Variants in FBXL13 observed in about 807,000 individuals in gnomAD.
The protein encoded by FBXL13 is F-box and leucine-rich repeat protein 13.
Under a neutral mutation model 83.6 loss-of-function variants are expected in FBXL13, and 67 were observed. That is an observed-to-expected ratio of 0.80 (90% CI 0.66 to 0.98). The LOEUF is 0.98. FBXL13 is among the 50% of genes least tolerant of loss of function. The pLI, the probability that FBXL13 is intolerant of heterozygous loss-of-function variation, is 0.00. For synonymous variants in FBXL13, 272 were observed against 299.5 expected (o/e 0.91, Z 0.95); for missense variants, 822 against 866.5 (o/e 0.95, Z 0.64).
intron 8 of FBXL13, among the ~76,000 whole-genome samples, chr7:102,952,866 C>T (rs1460217972): frequency 6.6e-6 from 1 of 152,112 alleles, no homozygotes; most frequent in Non-Finnish European, 1.5e-5. Flanking sequence ...CACCTGTAAT[C>T]CCAGCTACTC....
intron 1 of FBXL13, among the ~76,000 whole-genome samples, chr7:103,064,469 A>G (rs541402716): frequency 2.1e-4 from 32 of 152,312 alleles, no homozygotes; most frequent in Non-Finnish European, 3.7e-4. Flanking sequence ...GAACATGGGA[A>G]AGGAAGAAGA....
chr7:102,913,052 C>T, intron 11 of FBXL13, 34 bp downstream of exon 12: 2 of 1,613,796 alleles, frequency 1.2e-6, no homozygotes, highest in Non-Finnish European at 1.7e-6. Flanking sequence ...AACTTCCTCA[C>T]ACACCGCAGC....
At chr7:102,858,092 A>T (rs1806290389) in intron 16 of FBXL13, among the ~76,000 whole-genome samples, 1 of 152,244 alleles carries the variant, frequency 6.6e-6, no homozygotes, top group Admixed American at 6.5e-5. Flanking sequence ...AATGTAGTAT[A>T]TATACACAAT....
At chr7:102,832,811 T>TG in intron 18 of FBXL13, 29 bp downstream of exon 19, 1 of 1,612,774 alleles carries the variant, frequency 6.2e-7, no homozygotes, top group South Asian at 1.1e-5. Context: ...TTAAATTGGA[T>TG]GTGTTTGAGC....
chr7:102,897,519 AAAC>A (rs2129463227), intron 11 of FBXL13, among the ~76,000 whole-genome samples: 1 of 152,314 alleles, frequency 6.6e-6, no homozygotes, highest in South Asian at 2.1e-4. Context: ...AAATAAAATT[AAAC>A]AAGAGAGGGG....
At position 102,853,515 on chromosome 7, in the gene FBXL13, T is replaced by C. The variant is rs1005373468; in HGVS notation, c.1719+1262A>G. On this transcript the variant is annotated intron_variant, in intron 17 of 19. Transcript: ENST00000313221. ...CAATGGCAACAAAAGCCAAAATTGATGAATGGGATCTAATTAAACTAAAGA... is the reference window on the plus strand; with the variant it reads ...CAATGGCAACAAAAGCCAAAATTGACGAATGGGATCTAATTAAACTAAAGA... 1.6e-4 allele frequency among the ~76,000 whole-genome samples: 24 copies of C among 152,154 alleles called. No individual in the cohort carries two copies. The East Asian group carries it at 3.9e-3, about 25-fold the overall frequency.
At chr7:102,921,320 T>A (rs2129470726) in intron 10 of FBXL13, among the ~76,000 whole-genome samples, 1 of 152,348 alleles carries the variant, frequency 6.6e-6, no homozygotes, top group Non-Finnish European at 1.5e-5. Context: ...AGGCAACTAA[T>A]ATATCACTAT....
rs1315567218 is a variant in FBXL13 at position 102,853,573 on chromosome 7, G to A, written c.1719+1204C>T. ...CACAGCAAAAGAAACTACCATCAGA[G>A]TGAAGAGGCAACCCACAAAATGGGA... On this transcript the variant is annotated intron_variant, in intron 17 of 19. Transcript: ENST00000313221. 3.3e-5 allele frequency among the ~76,000 whole-genome samples: 5 copies of A among 152,154 alleles called. No individual in the cohort carries two copies. The East Asian group carries it at 7.7e-4, about 23-fold the overall frequency.
At chr7:103,013,679 G>A (rs543616315) in intron 6 of FBXL13, among the ~76,000 whole-genome samples, 2 of 152,066 alleles carry the variant, frequency 1.3e-5, no homozygotes, top group African/African-American at 4.8e-5. Flanking sequence ...ACATCAAAAA[G>A]TTAGAAATAT....
intron 8 of FBXL13, among the ~76,000 whole-genome samples, chr7:102,959,642 C>T (rs985555442): frequency 1.3e-5 from 2 of 151,902 alleles, no homozygotes; most frequent in South Asian, 2.1e-4. Flanking sequence ...TGAATGTATA[C>T]ATTTTTGAAA....
At chr7:102,941,584 C>T (rs1255052403) in intron 8 of FBXL13, among the ~76,000 whole-genome samples, 1 of 152,094 alleles carries the variant, frequency 6.6e-6, no homozygotes, top group Admixed American at 6.6e-5. Flanking sequence ...GTCTAGGCAG[C>T]GGGCAAGGTG....
intron 2 of FBXL13, among the ~76,000 whole-genome samples, chr7:103,039,493 T>A (rs1028811404): frequency 6.6e-6 from 1 of 152,042 alleles, no homozygotes; most frequent in Non-Finnish European, 1.5e-5. Context: ...AAGATACGCC[T>A]TGAGAAGAGC....
At chr7:102,967,643 A>C (rs1273258762) in intron 7 of FBXL13, among the ~76,000 whole-genome samples, 1 of 152,186 alleles carries the variant, frequency 6.6e-6, no homozygotes, top group Non-Finnish European at 1.5e-5. Flanking sequence ...TGCACACCTC[A>C]CACCCTAAAC....
At chr7:103,062,743 A>G in intron 1 of FBXL13, among the ~76,000 whole-genome samples, 1 of 152,244 alleles carries the variant, frequency 6.6e-6, no homozygotes, top group East Asian at 1.9e-4. Context: ...ATCTTCATAC[A>G]TATCTCAAAA....
chr7:102,835,228 C>G (rs1165742758), intron 17 of FBXL13, among the ~76,000 whole-genome samples: 1 of 152,136 alleles, frequency 6.6e-6, no homozygotes, highest in African/African-American at 2.4e-5. Context: ...GCATGAAAGT[C>G]TGTCTTGTCT....
In FBXL13 at chr7:103,029,271, A is replaced by T. The variant is rs774214200; in HGVS notation, c.68+80T>A. The stretch of plus-strand genomic sequence containing the variant: ...ACAGATAAAATCAGCACAACTGGCC[A>T]AAAGTGAATTTTTCTTTGCACGGAG... On this transcript the variant is annotated intron_variant, in intron 3 of 19. Coordinates refer to ENST00000313221, the Ensembl canonical transcript of FBXL13. 47 of 850,500 alleles carry T rather than the reference A, an allele frequency of 5.5e-5. No individual in the cohort carries two copies. The African/African-American group carries it at 7.7e-4, about 14-fold the overall frequency. The allele number at this position is 850,500 out of a possible 1,614,324, so 52.7% of individuals were successfully genotyped here. A position where few individuals can be genotyped will look rare whatever the true frequency, so the allele number is the denominator to read the frequency against.
chr7:102,956,221 G>C (rs1824247547), intron 8 of FBXL13, among the ~76,000 whole-genome samples: 1 of 152,066 alleles, frequency 6.6e-6, no homozygotes, highest in African/African-American at 2.4e-5. Flanking sequence ...ATGCAAGGCT[G>C]GTTCAACATA....
chr7:103,050,377 T>C (rs1796687041), intron 2 of FBXL13, among the ~76,000 whole-genome samples: 1 of 152,212 alleles, frequency 6.6e-6, no homozygotes, highest in African/African-American at 2.4e-5. Flanking sequence ...ACCATCGCCC[T>C]GGGGGCCAAG....
intron 6 of FBXL13, among the ~76,000 whole-genome samples, chr7:103,000,936 A>G (rs11976237): frequency 0.51 from 77,428 of 151,842 alleles, 23,364 homozygotes; most frequent in Non-Finnish European, 0.67. Context: ...ATTACGTGAA[A>G]TATTGTTTTG....
Sources: allele counts gnomAD v4.1 joint callset (sites outside exome capture counted in the v4.1 genomes callset), GRCh38; gene constraint gnomAD v4.1.1; transcripts MANE v1.5; gene names NCBI Gene and HGNC (gene_info 2026-07-23, HGNC 2026-07-21).